The following DCAF4L1 variants were observed in gnomAD, a reference collection of about 807,000 sequenced individuals.
DCAF4L1 encodes DDB1- and CUL4-associated factor 4-like protein 1.
A neutral mutation model predicts 28.2 loss-of-function variants in DCAF4L1; 4 were observed. The observed-to-expected ratio is 0.14, with a 90% CI of 0.07 to 0.33. DCAF4L1 has a LOEUF of 0.33. Among genes scored for constraint, DCAF4L1 ranks in the 10% least tolerant of loss-of-function variants. DCAF4L1 has a pLI of 1.00. For missense variants in DCAF4L1, 331 were observed against 506.1 expected, an observed-to-expected ratio of 0.65 and a Z score of 3.32; for synonymous variants, 252 against 212.1, an observed-to-expected ratio of 1.19 and a Z score of -1.63.
chr4:41,982,755 T>C lies in DCAF4L1; in HGVS notation c.963T>C (p.His321=), dbSNP rs990238916. 23 of 1,614,220 alleles carry C rather than the reference T, an allele frequency of 1.4e-5. No homozygotes were observed. Among genetic ancestry groups the C allele is most frequent in the Non-Finnish European group, 1.9e-5 (22 of 1,180,050 alleles). The stretch of plus-strand genomic sequence containing the variant: ...ATGAGTCCGCCTATCTGCCCCTGCA[T>C]GTGCACGAGGAAGAGGGAATCGTGG... ...HVNESAYLPL[H]VHEEEGIVVA... is the part of the protein sequence containing the mutation. Residue 321 remains histidine (H), a synonymous_variant, in exon 1 of 1, where the codon CAT becomes CAC. Transcript: ENST00000333141. This position sits in a 1 kb window ranked among gnomAD's most constrained non-coding sequence, Gnocchi z 4.4.
At position 41,982,671 on chromosome 4, in the gene DCAF4L1, G is replaced by T; in HGVS notation, c.879G>T (p.Lys293Asn). ...QCLMASDMTGKIKLWDLRATK... is the reference protein window; with the variant it reads ...QCLMASDMTGNIKLWDLRATK... ...TGATGGCATCAGACATGACTGGAAA[G>T]ATCAAGCTGTGGGATCTGAGGGCCA... The change falls in exon 1 of 1, where the codon AAG becomes AAT. Residue 293 changes from lysine (K) to asparagine (N), a missense_variant. By Grantham distance (94) the Lys-to-Asn change is moderately conservative. Coordinates refer to ENST00000333141, the MANE Select transcript of DCAF4L1 (RefSeq NM_001029955.4). This position sits in a 1 kb window ranked among gnomAD's most constrained non-coding sequence, Gnocchi z 4.4. The T allele has an allele frequency of 6.2e-7, 1 of 1,614,258 alleles. No individual in the cohort carries two copies. The highest frequency in any genetic ancestry group is 8.5e-7 in the Non-Finnish European group (1 of 1,180,042).
rs759360908 is a variant in DCAF4L1, at chr4:41,981,819, C to A, written c.27C>A (p.Leu9=). MEAERLRL[L]EEEAKLKKVA... ...TGGAGGCTGAAAGGCTGCGACTCCT[C>A]GAGGAAGAGGCCAAGCTGAAAAAGG... Residue 9 remains leucine (L), a synonymous_variant, in exon 1 of 1, where the codon CTC becomes CTA. Coordinates refer to ENST00000333141, the MANE Select transcript of DCAF4L1 (RefSeq NM_001029955.4). 6.2e-7 allele frequency: 1 copy of A among 1,614,082 alleles called. No homozygotes were observed. The highest frequency in any genetic ancestry group is 1.6e-4 in the Middle Eastern group (1 of 6,062).
rs751270953 is a variant in DCAF4L1 at position 41,981,782 on chromosome 4, C to T, written c.-11C>T. The T allele has an allele frequency of 5.0e-6, 8 of 1,610,902 alleles. No individual in the cohort carries two copies. The highest frequency in any genetic ancestry group is 3.3e-5 in the Admixed American group (2 of 59,898). ...GAATTTCCTGTCACGAGGAACATTC[C>T]GCAGGAGGAAATGGAGGCTGAAAGG... On this transcript the variant is annotated 5_prime_UTR_variant, in exon 1 of 1. Transcript: ENST00000333141.
rs1202605557 is a variant in DCAF4L1, at chr4:41,981,912, C to A, written c.120C>A (p.Thr40=). ...GCCAGCTAGGTTTCCTCAACGTCAC[C>A]AGTTACTCCCGTTTAGCCAACGAGC... ...RKSQLGFLNV[T]SYSRLANELR... The change falls in exon 1 of 1, where the codon ACC becomes ACA. Residue 40 remains threonine, a synonymous_variant. Transcript: ENST00000333141. 1 of 1,614,218 alleles carries A rather than the reference C, an allele frequency of 6.2e-7. No individual in the cohort carries two copies. Among genetic ancestry groups the A allele is most frequent in the Non-Finnish European group, 8.5e-7 (1 of 1,180,030 alleles).
At position 41,982,959 on chromosome 4, in the gene DCAF4L1, C is replaced by T. The variant is rs1314631463; in HGVS notation, c.1167C>T (p.Asp389=). Reference sequence around the variant, plus strand: ...GGCTGCTCATGGCTGTCCGGCAGGACCTTTATTGTTTCCCCTTCAGCTAAT... The same window carrying T: ...GGCTGCTCATGGCTGTCCGGCAGGATCTTTATTGTTTCCCCTTCAGCTAAT... ...APGLLMAVRQ[D]LYCFPFS is the part of the protein sequence containing the mutation. The change falls in exon 1 of 1, where the codon GAC becomes GAT. Residue 389 remains aspartate (D), a synonymous_variant. Coordinates refer to ENST00000333141, the MANE Select transcript of DCAF4L1 (RefSeq NM_001029955.4). The surrounding 1 kb of genome is among the most constrained non-coding windows in gnomAD (Gnocchi z 4.4). 1 of 1,608,274 alleles carries T rather than the reference C, an allele frequency of 6.2e-7. No individual in the cohort carries two copies. Among genetic ancestry groups the T allele is most frequent in the African/African-American group, 1.3e-5 (1 of 74,716 alleles).
At position 41,984,045 on chromosome 4, in the gene DCAF4L1, C is replaced by T; in HGVS notation, c.*1062C>T. 1 of 163,844 alleles carries T rather than the reference C, an allele frequency of 6.1e-6. No individual in the cohort carries two copies. The allele number at this position is 163,844 out of a possible 1,614,324, so 10.1% of individuals were successfully genotyped here. On this transcript the variant is annotated 3_prime_UTR_variant, in exon 1 of 1. Transcript: ENST00000333141. ...TTCTAAAGTTCAAAAGCAGTAAAAA[C>T]TTGTCTATGGTGATTAAAGGTAGAG...
chr4:41,982,674 C>T lies in DCAF4L1; in HGVS notation c.882C>T (p.Ile294=). 1 of 1,614,230 alleles carries T rather than the reference C, an allele frequency of 6.2e-7. No homozygotes were observed. Among genetic ancestry groups the T allele is most frequent in the Non-Finnish European group, 8.5e-7 (1 of 1,180,050 alleles). Residue 294 remains isoleucine (I), a synonymous_variant, in exon 1 of 1, where the codon ATC becomes ATT. Coordinates refer to ENST00000333141, the MANE Select transcript of DCAF4L1 (RefSeq NM_001029955.4). This position sits in a 1 kb window ranked among gnomAD's most constrained non-coding sequence, Gnocchi z 4.4. ...CLMASDMTGK[I]KLWDLRATKC... is the part of the protein sequence containing the mutation. ...TGGCATCAGACATGACTGGAAAGAT[C>T]AAGCTGTGGGATCTGAGGGCCACTA...
Position 41,984,612 on chromosome 4 carries a change from T to C in DCAF4L1, c.*1629T>C, listed in dbSNP as rs917049980. 4 of 166,956 alleles carry C rather than the reference T, an allele frequency of 2.4e-5. No homozygotes were observed. The Admixed American group carries it at 2.6e-4, about 11-fold the overall frequency. 10.3% of individuals were successfully genotyped at this position (166,956 alleles called of 1,614,324 possible). The stretch of plus-strand genomic sequence containing the variant: ...TGGGGAGGATGAGGAGAAAAAACTT[T>C]AGGTGAAGGGAATGATGCTGAGTTT... On this transcript the variant is annotated 3_prime_UTR_variant, in exon 1 of 1. Transcript: ENST00000333141.
chr4:41,985,106 A>ATGTG lies in DCAF4L1; in HGVS notation c.*2126_*2127insGTGT, dbSNP rs1367560194. 2 of 165,426 alleles carry ATGTG rather than the reference A, an allele frequency of 1.2e-5. No homozygotes were observed. Among genetic ancestry groups the ATGTG allele is most frequent in the African/African-American group, 4.9e-5 (2 of 40,708 alleles). The allele number at this position is 165,426 out of a possible 1,614,324, so 10.2% of individuals were successfully genotyped here. A position where few individuals can be genotyped will look rare whatever the true frequency, so the allele number is the denominator to read the frequency against. ...GTAAGAACTAGCTGCAGACATATAT[A>ATGTG]TGTATATATATATATGTCTGATACT... is the stretch of plus-strand genomic sequence containing the variant. On this transcript the variant is annotated 3_prime_UTR_variant, in exon 1 of 1. Coordinates refer to ENST00000333141, the MANE Select transcript of DCAF4L1 (RefSeq NM_001029955.4).
chr4:41,982,173 G>A lies in DCAF4L1; in HGVS notation c.381G>A (p.Val127=), dbSNP rs781259035. ...ACCTCTACGTCCCCAACCGGAAGGTGAAGTCCCTGTGCTGGGCCTCGCTGA... is the reference window on the plus strand; with the variant it reads ...ACCTCTACGTCCCCAACCGGAAGGTAAAGTCCCTGTGCTGGGCCTCGCTGA... The part of the protein sequence containing the change: ...LRNLYVPNRK[V]KSLCWASLNQ... Residue 127 remains valine, a synonymous_variant, in exon 1 of 1, where the codon GTG becomes GTA. Coordinates refer to ENST00000333141, the MANE Select transcript of DCAF4L1 (RefSeq NM_001029955.4). This position sits in a 1 kb window ranked among gnomAD's most constrained non-coding sequence, Gnocchi z 4.4. 4 of 1,614,250 alleles carry A rather than the reference G, an allele frequency of 2.5e-6. No individual in the cohort carries two copies. The highest frequency in any genetic ancestry group is 1.1e-5 in the South Asian group (1 of 91,084).
rs184052654 is a variant in DCAF4L1, at chr4:41,983,888, G to A, written c.*905G>A. On this transcript the variant is annotated 3_prime_UTR_variant, in exon 1 of 1. Coordinates refer to ENST00000333141, the MANE Select transcript of DCAF4L1 (RefSeq NM_001029955.4). ...CTGAATTTCGAAAATGCTAAAATTC[G>A]TGATATAATCATACAATCGGATACT... 2.6e-4 allele frequency: 43 copies of A among 166,610 alleles called. No homozygotes were observed. The highest frequency in any genetic ancestry group is 1.9e-4 in the Non-Finnish European group (13 of 68,094). The allele number at this position is 166,610 out of a possible 1,614,324, so 10.3% of individuals were successfully genotyped here.
Position 41,983,126 on chromosome 4 carries a change from G to A in DCAF4L1, c.*143G>A. 1.4e-6 allele frequency: 1 copy of A among 699,888 alleles called. No homozygotes were observed. Among genetic ancestry groups the A allele is most frequent in the Middle Eastern group, 3.1e-4 (1 of 3,210 alleles). 43.4% of individuals were successfully genotyped at this position (699,888 alleles called of 1,614,324 possible). ...GGCTGCCAGGGGTAAGGTGTTAAGA[G>A]TTTTATGTGGAGACGTTCTTGTAAA... is the stretch of plus-strand genomic sequence containing the variant. On this transcript the variant is annotated 3_prime_UTR_variant, in exon 1 of 1. Coordinates refer to ENST00000333141, the MANE Select transcript of DCAF4L1 (RefSeq NM_001029955.4).
In DCAF4L1 at chr4:41,982,338, C is replaced by G. The variant is rs1714009730; in HGVS notation, c.546C>G (p.Ile182Met). The G allele has an allele frequency of 1.9e-6, 3 of 1,614,100 alleles. No individual in the cohort carries two copies. The highest frequency in any genetic ancestry group is 1.3e-5 in the African/African-American group (1 of 74,926). ...NQPGMLCSFQ[I>M]PEAWSCAWSL... ...CTGGCATGCTCTGCAGTTTCCAGAT[C>G]CCAGAGGCCTGGTCCTGTGCGTGGT... Residue 182 changes from isoleucine to methionine, a missense_variant, in exon 1 of 1, where the codon ATC (isoleucine) becomes ATG (methionine). Ile to Met is a conservative substitution (Grantham distance 10, BLOSUM62 1). Coordinates refer to ENST00000333141, the MANE Select transcript of DCAF4L1 (RefSeq NM_001029955.4). This position sits in a 1 kb window ranked among gnomAD's most constrained non-coding sequence, Gnocchi z 4.4.
rs1714045726 is a variant in DCAF4L1 at position 41,983,168 on chromosome 4, T to C, written c.*185T>C. On this transcript the variant is annotated 3_prime_UTR_variant, in exon 1 of 1. Transcript: ENST00000333141. ...TCTTGTAAAGTTATTTCAGTTAAACTGTGGACTTAACTTGAAAGTCCTTTT... is the reference window on the plus strand; with the variant it reads ...TCTTGTAAAGTTATTTCAGTTAAACCGTGGACTTAACTTGAAAGTCCTTTT... The C allele has an allele frequency of 1.7e-6, 1 of 594,568 alleles. No individual in the cohort carries two copies. Among genetic ancestry groups the C allele is most frequent in the African/African-American group, 1.9e-5 (1 of 53,572 alleles). The allele number at this position is 594,568 out of a possible 1,614,324, so 36.8% of individuals were successfully genotyped here. A position where few individuals can be genotyped will look rare whatever the true frequency, so the allele number is the denominator to read the frequency against.
In DCAF4L1 at chr4:41,985,435, G is replaced by A. The variant is rs1251622007; in HGVS notation, c.*2452G>A. 1 of 167,098 alleles carries A rather than the reference G, an allele frequency of 6.0e-6. No individual in the cohort carries two copies. The highest frequency in any genetic ancestry group is 1.9e-4 in the East Asian group (1 of 5,200). The allele number at this position is 167,098 out of a possible 1,614,324, so 10.4% of individuals were successfully genotyped here. ...GGTGGAGTGACGTTGGGAATTAAAAGAGAAGCAAATGTTGGTGCAGTTGTG... is the reference window on the plus strand; with the variant it reads ...GGTGGAGTGACGTTGGGAATTAAAAAAGAAGCAAATGTTGGTGCAGTTGTG... On this transcript the variant is annotated 3_prime_UTR_variant, in exon 1 of 1. Transcript: ENST00000333141.
chr4:41,985,050 A>G lies in DCAF4L1; in HGVS notation c.*2067A>G, dbSNP rs1714108180. 1 of 166,860 alleles carries G rather than the reference A, an allele frequency of 6.0e-6. No homozygotes were observed. The highest frequency in any genetic ancestry group is 2.4e-5 in the African/African-American group (1 of 41,348). 10.3% of individuals were successfully genotyped at this position (166,860 alleles called of 1,614,324 possible). On this transcript the variant is annotated 3_prime_UTR_variant, in exon 1 of 1. Transcript: ENST00000333141. ...TAAGCATTCAAAATAAAACAAAACAATTAATGAAGAAAAGACATTGCAATC... is the reference window on the plus strand; with the variant it reads ...TAAGCATTCAAAATAAAACAAAACAGTTAATGAAGAAAAGACATTGCAATC...
In DCAF4L1 at chr4:41,983,649, T is replaced by C. The variant is rs531542138; in HGVS notation, c.*666T>C. On this transcript the variant is annotated 3_prime_UTR_variant, in exon 1 of 1. Coordinates refer to ENST00000333141, the MANE Select transcript of DCAF4L1 (RefSeq NM_001029955.4). ...TGATGTGCTTTTGTTGAGGTACCTT[T>C]CAGAATGTAAGGTACAGCAGCTCCG... 6.0e-6 allele frequency: 1 copy of C among 167,226 alleles called. No homozygotes were observed. The highest frequency in any genetic ancestry group is 2.4e-5 in the African/African-American group (1 of 41,570). 10.4% of individuals were successfully genotyped at this position (167,226 alleles called of 1,614,324 possible).
rs930403191 is a variant in DCAF4L1, at chr4:41,985,411, G to A, written c.*2428G>A. 1.2e-5 allele frequency: 2 copies of A among 167,076 alleles called. No individual in the cohort carries two copies. Among genetic ancestry groups the A allele is most frequent in the African/African-American group, 2.4e-5 (1 of 41,442 alleles). 10.3% of individuals were successfully genotyped at this position (167,076 alleles called of 1,614,324 possible). A position where few individuals can be genotyped will look rare whatever the true frequency, so the allele number is the denominator to read the frequency against. Reference sequence around the variant, plus strand: ...TAATGGTTAAAATAAAATAGATCAGGTGGAGTGACGTTGGGAATTAAAAGA... The same window carrying A: ...TAATGGTTAAAATAAAATAGATCAGATGGAGTGACGTTGGGAATTAAAAGA... On this transcript the variant is annotated 3_prime_UTR_variant, in exon 1 of 1. Transcript: ENST00000333141.
rs1714143314 is a variant in DCAF4L1, at chr4:41,985,920, C to T, written c.*2937C>T. ...AGAAGATTCTAGGAAGCTAGCAATG[C>T]TGGTGTCATGCCAGACCCCTAGTGA... is the stretch of plus-strand genomic sequence containing the variant. On this transcript the variant is annotated 3_prime_UTR_variant, in exon 1 of 1. Coordinates refer to ENST00000333141, the MANE Select transcript of DCAF4L1 (RefSeq NM_001029955.4). The T allele has an allele frequency of 1.2e-5, 2 of 167,084 alleles. No individual in the cohort carries two copies. The highest frequency in any genetic ancestry group is 2.9e-5 in the Non-Finnish European group (2 of 68,124). The allele number at this position is 167,084 out of a possible 1,614,324, so 10.4% of individuals were successfully genotyped here. A position where few individuals can be genotyped will look rare whatever the true frequency, so the allele number is the denominator to read the frequency against.
Sources: gnomAD v4.1 joint callset for allele counts on GRCh38, gnomAD v4.1.1 for gene constraint, Gnocchi (gnomAD v3.1) non-coding constraint, MANE v1.5 for transcripts, NCBI Gene and HGNC (gene_info 2026-07-23, HGNC 2026-07-21) for gene names.